The following TRAF3IP1 variants were observed in gnomAD, a reference collection of about 807,000 sequenced individuals.
The protein encoded by TRAF3IP1 is TRAF3-interacting protein 1.
A neutral mutation model predicts 89.9 loss-of-function variants in TRAF3IP1; 53 were observed. The observed-to-expected ratio is 0.59, with a 90% CI of 0.47 to 0.74. The LOEUF (loss-of-function observed/expected upper bound fraction) is 0.74, where lower values mean the gene tolerates loss of function less well. Ranked by LOEUF, TRAF3IP1 falls within the 30% of genes least tolerant of loss-of-function variation. TRAF3IP1 has a pLI of 0.00. For synonymous variants in TRAF3IP1, 311 were observed against 322.1 expected, an observed-to-expected ratio of 0.97 and a Z score of 0.37; for missense variants, 806 against 866.1, an observed-to-expected ratio of 0.93 and a Z score of 0.87.
At chr2:238,350,664 C>T (rs1161762867) in intron 12 of TRAF3IP1, among the ~76,000 whole-genome samples, 2 of 152,184 alleles carry the variant, frequency 1.3e-5, no homozygotes, top group African/African-American at 4.8e-5. Flanking sequence ...ATGCACAGGA[C>T]AGTCTCCACC....
chr2:238,330,421 G>C (rs1360384806), intron 5 of TRAF3IP1, among the ~76,000 whole-genome samples: 1 of 152,176 alleles, frequency 6.6e-6, no homozygotes, highest in African/African-American at 2.4e-5. Flanking sequence ...GCATTCTTTG[G>C]GGGATGTCAA....
At chr2:238,333,026 A>G (rs1698206029) in intron 6 of TRAF3IP1, 131 bp downstream of exon 6, 1 of 658,388 alleles carries the variant, frequency 1.5e-6, no homozygotes, top group South Asian at 1.9e-5. Context: ...TAATAGGTCC[A>G]TTTTATTTGG....
rs745979185 is a variant in TRAF3IP1 at position 238,397,611 on chromosome 2, G to A, written c.1842G>A (p.Met614Ile). The A allele has an allele frequency of 2.5e-5, 41 of 1,612,642 alleles. No individual in the cohort carries two copies. Among genetic ancestry groups the A allele is most frequent in the Non-Finnish European group, 3.4e-5 (40 of 1,179,920 alleles). Residue 614 changes from methionine (M) to isoleucine (I), a missense_variant, in exon 16 of 17, where the codon ATG (methionine) becomes ATA (isoleucine). By Grantham distance (10) the Met-to-Ile change is conservative (BLOSUM62 1). Coordinates refer to ENST00000373327, the MANE Select transcript of TRAF3IP1 (RefSeq NM_015650.4). ...ACATCCAGGAAGACGTGGATGCCAT[G>A]CAGAATGAGCTGCAGATGTGGCACA... The part of the protein sequence containing the change: ...MDYIQEDVDA[M>I]QNELQMWHSE...
chr2:238,384,336 T>TGATGGATG (rs757751181), intron 15 of TRAF3IP1, among the ~76,000 whole-genome samples: 55 of 136,956 alleles, frequency 4.0e-4, no homozygotes, highest in East Asian at 1.3e-3. Context: ...AGAATCAACC[T>TGATGGATG]GATGTATGTA....
chr2:238,333,218 A>G (rs914777073), intron 6 of TRAF3IP1, among the ~76,000 whole-genome samples: 9 of 152,076 alleles, frequency 5.9e-5, no homozygotes, highest in African/African-American at 2.2e-4. Context: ...ATGAGTCTGG[A>G]AGAGGCAGGC....
intron 14 of TRAF3IP1, among the ~76,000 whole-genome samples, chr2:238,354,215 A>T (rs1185884594): frequency 6.6e-6 from 1 of 151,826 alleles, no homozygotes; most frequent in African/African-American, 2.4e-5. Context: ...ATCCCAGTAC[A>T]CTCTTTAGCT....
chr2:238,329,434 A>T, intron 5 of TRAF3IP1, 92 bp downstream of exon 5: 1 of 1,190,036 alleles, frequency 8.4e-7, no homozygotes. Flanking sequence ...TATGACTAGG[A>T]AACTGGTTTT....
chr2:238,321,119 G>C (rs540852434), intron 1 of TRAF3IP1, among the ~76,000 whole-genome samples: 7 of 152,162 alleles, frequency 4.6e-5, no homozygotes, highest in African/African-American at 1.7e-4. Context: ...GGCGCCCTCC[G>C]TGAGGAGGTC....
chr2:238,340,339 C>A (rs758224189), intron 8 of TRAF3IP1, among the ~76,000 whole-genome samples: 20 of 152,164 alleles, frequency 1.3e-4, no homozygotes, highest in Non-Finnish European at 2.6e-4. Context: ...CTCACAGTAC[C>A]TTTCCTTCTT....
chr2:238,326,016 A>G (rs1385255509), intron 3 of TRAF3IP1, 46 bp downstream of exon 3: 2 of 1,576,830 alleles, frequency 1.3e-6, no homozygotes, highest in Admixed American at 1.8e-5. Context: ...GTACTTGAGT[A>G]AAAAGTAGTC....
chr2:238,349,318 G>A lies in TRAF3IP1; in HGVS notation c.1368-7G>A. On this transcript the variant is annotated splice_region_variant and splice_polypyrimidine_tract_variant and intron_variant, in intron 11 of 16. Coordinates refer to ENST00000373327, the MANE Select transcript of TRAF3IP1 (RefSeq NM_015650.4). The stretch of plus-strand genomic sequence containing the variant: ...TCCTTTTTTGGTTTTCCAATATTTG[G>A]GTTTAGAAGAATTCCTCGGCCTGGG... 2 of 1,613,910 alleles carry A rather than the reference G, an allele frequency of 1.2e-6. No individual in the cohort carries two copies. The highest frequency in any genetic ancestry group is 1.7e-6 in the Non-Finnish European group (2 of 1,179,944).
At chr2:238,330,450 A>G (rs1257682223) in intron 5 of TRAF3IP1, among the ~76,000 whole-genome samples, 1 of 152,204 alleles carries the variant, frequency 6.6e-6, no homozygotes, top group East Asian at 1.9e-4. Flanking sequence ...GCATCCCGCG[A>G]AGATGTTGGA....
intron 12 of TRAF3IP1, among the ~76,000 whole-genome samples, 185 bp downstream of exon 12, chr2:238,349,593 G>A (rs1376631296): frequency 6.6e-6 from 1 of 152,206 alleles, no homozygotes; most frequent in Non-Finnish European, 1.5e-5. Context: ...ATGGATGAAA[G>A]AGAAAAACCA....
intron 15 of TRAF3IP1, among the ~76,000 whole-genome samples, chr2:238,391,900 A>C (rs1701008210): frequency 6.6e-6 from 1 of 152,240 alleles, no homozygotes; most frequent in Non-Finnish European, 1.5e-5. Flanking sequence ...TTCTTAACTA[A>C]GTCAATGAGA....
intron 15 of TRAF3IP1, among the ~76,000 whole-genome samples, chr2:238,363,731 G>C (rs773144821): frequency 6.6e-6 from 1 of 152,142 alleles, no homozygotes; most frequent in Non-Finnish European, 1.5e-5. Flanking sequence ...GGAGGCCAAG[G>C]TGGGCGGATC....
At chr2:238,332,609 A>G (rs1698181653) in intron 5 of TRAF3IP1, among the ~76,000 whole-genome samples, 1 of 152,070 alleles carries the variant, frequency 6.6e-6, no homozygotes, top group African/African-American at 2.4e-5. Flanking sequence ...CTCTGCCCTT[A>G]TGGGAAGAGA....
intron 15 of TRAF3IP1, among the ~76,000 whole-genome samples, chr2:238,395,649 T>C (rs1701178927): frequency 6.6e-6 from 1 of 151,998 alleles, no homozygotes; most frequent in Non-Finnish European, 1.5e-5. Flanking sequence ...AAAGGGCTAA[T>C]ATCCAGAATC....
At chr2:238,358,818 A>C (rs1438166985) in intron 15 of TRAF3IP1, among the ~76,000 whole-genome samples, 2 of 152,174 alleles carry the variant, frequency 1.3e-5, no homozygotes, top group South Asian at 4.1e-4. Context: ...CTATTGATGG[A>C]CATTTAGGTT....
At chr2:238,381,468 C>G (rs1201455843) in intron 15 of TRAF3IP1, among the ~76,000 whole-genome samples, 1 of 152,122 alleles carries the variant, frequency 6.6e-6, no homozygotes, top group Non-Finnish European at 1.5e-5. Flanking sequence ...TGGAAGTGGG[C>G]CCTGAGGAAC....
Sources: gnomAD v4.1 joint callset for allele counts (sites outside exome capture counted in the v4.1 genomes callset) on GRCh38, gnomAD v4.1.1 for gene constraint, MANE v1.5 for transcripts, NCBI Gene and HGNC (gene_info 2026-07-23, HGNC 2026-07-21) for gene names.